The following PSD3 variants were observed in gnomAD, a reference collection of about 807,000 sequenced individuals.
The protein encoded by PSD3 is pleckstrin and Sec7 domain containing 3.
Under a neutral mutation model 105.5 loss-of-function variants are expected in PSD3, and 49 were observed. The observed-to-expected ratio is 0.46, with a 90% confidence interval of 0.37 to 0.59. PSD3 has a LOEUF of 0.59. PSD3 is among the 20% of genes least tolerant of loss of function. The probability of loss-of-function intolerance (pLI) is 0.00; values close to 1 mark genes in which losing one functional copy is unlikely to be tolerated. For synonymous variants in PSD3, 557 were observed against 457.8 expected (o/e 1.22, Z -2.77); for missense variants, 1,561 against 1,263.8 (o/e 1.24, Z -3.57).
chr8:18,790,524 T>A (rs111637875), intron 8 of PSD3, among the ~76,000 whole-genome samples: 15 of 151,958 alleles, frequency 9.9e-5, no homozygotes, highest in South Asian at 2.1e-4. Context: ...GGATGGTCTC[T>A]ATCTCCTGAC....
At chr8:18,665,520 A>T (rs1289572665) in intron 9 of PSD3, among the ~76,000 whole-genome samples, 1 of 152,260 alleles carries the variant, frequency 6.6e-6, no homozygotes, top group African/African-American at 2.4e-5. Flanking sequence ...CCCCCGGTGA[A>T]GATGCTATGA....
chr8:18,792,835 C>T (rs1809849524), intron 8 of PSD3, among the ~76,000 whole-genome samples: 3 of 152,102 alleles, frequency 2.0e-5, no homozygotes, highest in African/African-American at 7.2e-5. Flanking sequence ...GGCATATACC[C>T]AAAGGATTAT....
chr8:18,621,418 C>CTATT (rs1806100698), intron 11 of PSD3, among the ~76,000 whole-genome samples: 1 of 152,150 alleles, frequency 6.6e-6, no homozygotes, highest in Non-Finnish European at 1.5e-5. Context: ...AGAAAAAAGA[C>CTATT]TATTGCTCCT....
intron 4 of PSD3, chr8:18,809,028 G>T (rs148794582): frequency 2.1e-6 from 2 of 964,190 alleles, no homozygotes; most frequent in East Asian, 3.1e-5. Flanking sequence ...TATCGAGAAC[G>T]TAAGAAACAG....
intron 2 of PSD3, among the ~76,000 whole-genome samples, chr8:18,934,811 T>C (rs1822000739): frequency 6.6e-6 from 1 of 152,200 alleles, no homozygotes; most frequent in Admixed American, 6.5e-5. Context: ...CCACATGCAA[T>C]AGCCTTTTCC....
chr8:19,037,632 C>T (rs191886105), intron 1 of PSD3, among the ~76,000 whole-genome samples: 79 of 152,232 alleles, frequency 5.2e-4, no homozygotes, highest in Non-Finnish European at 1.3e-4. Context: ...CTGAAGAGAA[C>T]AAAAAGGCAA....
chr8:18,547,529 C>T (rs1800520044), intron 15 of PSD3, among the ~76,000 whole-genome samples: 1 of 152,172 alleles, frequency 6.6e-6, no homozygotes. Flanking sequence ...TGCCCCATCA[C>T]CCTCACTATG....
chr8:19,011,273 T>A (rs949387466), intron 1 of PSD3, among the ~76,000 whole-genome samples: 1 of 152,190 alleles, frequency 6.6e-6, no homozygotes, highest in African/African-American at 2.4e-5. Flanking sequence ...GCAATTAACC[T>A]ATCACCACAC....
intron 9 of PSD3, among the ~76,000 whole-genome samples, chr8:18,749,622 C>T (rs915958804): frequency 2.0e-5 from 3 of 152,024 alleles, no homozygotes; most frequent in African/African-American, 4.8e-5. Flanking sequence ...TGTAATCACA[C>T]AAGACCTTCA....
chr8:18,694,039 G>C (rs549958541), intron 9 of PSD3, among the ~76,000 whole-genome samples: 12 of 152,314 alleles, frequency 7.9e-5, no homozygotes, highest in African/African-American at 2.6e-4. Context: ...TCTGAAAATA[G>C]TCCTGTCCAA....
intron 4 of PSD3, among the ~76,000 whole-genome samples, chr8:18,867,245 T>C (rs1817009141): frequency 6.6e-6 from 1 of 152,206 alleles, no homozygotes; most frequent in African/African-American, 2.4e-5. Flanking sequence ...GCTGACTGTA[T>C]AGTCCACCAC....
chr8:18,630,081 C>A (rs979280667), intron 11 of PSD3, among the ~76,000 whole-genome samples: 2 of 151,734 alleles, frequency 1.3e-5, no homozygotes, highest in Non-Finnish European at 2.9e-5. Flanking sequence ...TGGAGATGGG[C>A]ACGTCTTAAC....
intron 4 of PSD3, among the ~76,000 whole-genome samples, chr8:18,831,594 C>A (rs760644687): frequency 6.6e-6 from 1 of 151,996 alleles, no homozygotes; most frequent in Non-Finnish European, 1.5e-5. Context: ...TGGTGGCGGG[C>A]GCCTATAGTC....
intron 1 of PSD3, among the ~76,000 whole-genome samples, chr8:19,035,904 A>G (rs1175296488): frequency 1.3e-5 from 2 of 151,932 alleles, no homozygotes; most frequent in African/African-American, 4.8e-5. Flanking sequence ...GCAGGTGCAT[A>G]CCACTATGCC....
At chr8:18,649,418 T>C (rs1412985118) in intron 10 of PSD3, among the ~76,000 whole-genome samples, 1 of 152,236 alleles carries the variant, frequency 6.6e-6, no homozygotes, top group East Asian at 1.9e-4. Context: ...CCCTTTCTTT[T>C]GGCTGCTTTC....
intron 2 of PSD3, among the ~76,000 whole-genome samples, chr8:18,878,972 T>C (rs1817908827): frequency 6.6e-6 from 1 of 151,674 alleles, no homozygotes; most frequent in Admixed American, 6.6e-5. Flanking sequence ...AAGTTAAACT[T>C]AGACACTTGG....
At chr8:18,979,995 T>C (rs1586569947) in intron 1 of PSD3, among the ~76,000 whole-genome samples, 1 of 152,344 alleles carries the variant, frequency 6.6e-6, no homozygotes, top group East Asian at 1.9e-4. Context: ...CACTGATCTA[T>C]GTTTTGGCAA....
chr8:18,694,809 C>A (rs1801172269), intron 9 of PSD3, among the ~76,000 whole-genome samples: 1 of 117,542 alleles, frequency 8.5e-6, no homozygotes, highest in South Asian at 3.5e-4. Flanking sequence ...CATAGTGAAA[C>A]CCTATCTCCA....
chr8:18,685,384 A>G (rs1800609652), intron 9 of PSD3, among the ~76,000 whole-genome samples: 8 of 151,732 alleles, frequency 5.3e-5, no homozygotes, highest in Admixed American at 4.6e-4. Flanking sequence ...TTGCATCCTC[A>G]TGACAGGGGC....
Sources: gnomAD v4.1 joint callset for allele counts (sites outside exome capture counted in the v4.1 genomes callset) on GRCh38, gnomAD v4.1.1 for gene constraint, MANE v1.5 for transcripts, NCBI Gene and HGNC (gene_info 2026-07-23, HGNC 2026-07-21) for gene names.